SCHIP1: variants seen among roughly 807,000 people sequenced by gnomAD.
The protein encoded by SCHIP1 is schwannomin-interacting protein 1.
Under a neutral mutation model 29.7 loss-of-function variants are expected in SCHIP1, and 8 were observed. The observed-to-expected ratio is 0.27, with a 90% confidence interval of 0.16 to 0.49. SCHIP1 has a LOEUF of 0.49. SCHIP1 is among the 20% of genes least tolerant of loss of function. The pLI is 0.99. For missense variants in SCHIP1, 193 were observed against 294.6 expected (o/e 0.66, Z 2.52); for synonymous variants, 76 against 94.9 (o/e 0.80, Z 1.16).
intron 2 of SCHIP1, among the ~76,000 whole-genome samples, chr3:159,874,877 T>G (rs1457858903): frequency 6.6e-6 from 1 of 152,184 alleles, no homozygotes; most frequent in Non-Finnish European, 1.5e-5. Flanking sequence ...ATCTTTAACA[T>G]TTCATATTAG....
the SCHIP1 span, among the ~76,000 whole-genome samples, chr3:159,576,194 A>T: frequency 6.6e-6 from 1 of 152,368 alleles, no homozygotes; most frequent in Admixed American, 6.5e-5. Flanking sequence ...CATCATATGC[A>T]CATTTCAAAA....
chr3:159,273,681 CA>C, the SCHIP1 span: 1 of 1,394,926 alleles, frequency 7.2e-7, no homozygotes, highest in South Asian at 1.7e-5. Context: ...GCAAAAGCAT[CA>C]CTTATTTAGT....
At chr3:159,793,712 C>T in the SCHIP1 span, among the ~76,000 whole-genome samples, 82 of 152,278 alleles carry the variant, frequency 5.4e-4, no homozygotes, top group African/African-American at 1.7e-3. Context: ...CGTGTGCCAC[C>T]AAGCCTGGCT....
the SCHIP1 span, among the ~76,000 whole-genome samples, chr3:159,363,764 C>T: frequency 6.6e-6 from 1 of 152,170 alleles, no homozygotes; most frequent in South Asian, 2.1e-4. Context: ...GGGATTGTAA[C>T]TGACATTGTC....
chr3:159,835,909 T>A (rs1189373153), upstream of SCHIP1, among the ~76,000 whole-genome samples: 1 of 152,200 alleles, frequency 6.6e-6, no homozygotes, highest in Non-Finnish European at 1.5e-5. Flanking sequence ...AAAAAAATGC[T>A]TTTCTGGATT....
the SCHIP1 span, among the ~76,000 whole-genome samples, chr3:159,334,963 C>T: frequency 2.2e-3 from 337 of 151,088 alleles, no homozygotes; most frequent in African/African-American, 7.7e-3. Context: ...TGTAGTGCTG[C>T]GATCTCAGCT....
the SCHIP1 span, among the ~76,000 whole-genome samples, chr3:159,542,925 G>T: frequency 6.6e-6 from 1 of 152,090 alleles, no homozygotes; most frequent in Non-Finnish European, 1.5e-5. Flanking sequence ...ATGGACCCAG[G>T]TGTCTGGGGA....
the SCHIP1 span, among the ~76,000 whole-genome samples, chr3:159,575,117 C>T: frequency 6.6e-6 from 1 of 152,172 alleles, no homozygotes; most frequent in South Asian, 2.1e-4. Flanking sequence ...CACCCACTGT[C>T]CAACCAGTCC....
chr3:159,294,348 G>A, the SCHIP1 span, among the ~76,000 whole-genome samples: 2 of 152,110 alleles, frequency 1.3e-5, no homozygotes, highest in Non-Finnish European at 2.9e-5. Flanking sequence ...ATATAATCAA[G>A]TTGATTTGGG....
At chr3:159,756,588 C>T in the SCHIP1 span, among the ~76,000 whole-genome samples, 7 of 152,328 alleles carry the variant, frequency 4.6e-5, no homozygotes, top group East Asian at 9.7e-4. Context: ...GATTAACATT[C>T]AGCTCCTTGT....
chr3:159,653,587 G>C, the SCHIP1 span, among the ~76,000 whole-genome samples: 11 of 151,550 alleles, frequency 7.3e-5, no homozygotes, highest in Admixed American at 2.0e-4. Context: ...GGGCCTGTTG[G>C]GGGGTGGGGG....
the SCHIP1 span, among the ~76,000 whole-genome samples, chr3:159,663,092 G>T: frequency 6.6e-6 from 1 of 152,182 alleles, no homozygotes; most frequent in Non-Finnish European, 1.5e-5. Context: ...TAGGAAGTGG[G>T]TTTTGTCACT....
the SCHIP1 span, among the ~76,000 whole-genome samples, chr3:159,695,031 T>A: frequency 7.9e-5 from 12 of 152,292 alleles, no homozygotes; most frequent in African/African-American, 2.9e-4. Flanking sequence ...CTCCAGTGTT[T>A]CCTATGGCAA....
chr3:159,361,182 T>C, the SCHIP1 span, among the ~76,000 whole-genome samples: 4 of 152,200 alleles, frequency 2.6e-5, no homozygotes, highest in African/African-American at 7.2e-5. Flanking sequence ...TGAAGGATGA[T>C]TGATATGCAA....
chr3:159,807,816 A>C, the SCHIP1 span, among the ~76,000 whole-genome samples: 1 of 152,250 alleles, frequency 6.6e-6, no homozygotes, highest in East Asian at 1.9e-4. Context: ...CACACAGGCA[A>C]GTGTTTACAC....
chr3:159,672,105 GA>G, the SCHIP1 span, among the ~76,000 whole-genome samples: 10 of 152,276 alleles, frequency 6.6e-5, no homozygotes, highest in African/African-American at 2.4e-4. Context: ...ATTGAACTTT[GA>G]AAAACTATTA....
the SCHIP1 span, among the ~76,000 whole-genome samples, chr3:159,347,332 CCTT>C: frequency 1.3e-5 from 2 of 152,162 alleles, no homozygotes; most frequent in Non-Finnish European, 2.9e-5. Context: ...TTAAACCCAA[CCTT>C]AATTATCGAA....
At chr3:159,587,100 C>A in the SCHIP1 span, among the ~76,000 whole-genome samples, 3 of 152,132 alleles carry the variant, frequency 2.0e-5, no homozygotes, top group Non-Finnish European at 4.4e-5. Flanking sequence ...ACCTGGGAAG[C>A]TTTTCCAAAA....
At chr3:159,334,146 C>T in the SCHIP1 span, among the ~76,000 whole-genome samples, 1 of 152,144 alleles carries the variant, frequency 6.6e-6, no homozygotes, top group Admixed American at 6.6e-5. Context: ...ATTAAAGAAT[C>T]ATCTTTATCA....
Sources: allele counts gnomAD v4.1 joint callset (sites outside exome capture counted in the v4.1 genomes callset), GRCh38; gene constraint gnomAD v4.1.1; transcripts MANE v1.5; gene names NCBI Gene and HGNC (gene_info 2026-07-23, HGNC 2026-07-21).